ZFPM2: variants seen among roughly 807,000 people sequenced by gnomAD.
ZFPM2 encodes the protein zinc finger protein ZFPM2.
A neutral mutation model predicts 98.6 loss-of-function variants in ZFPM2; 20 were observed. That is an observed-to-expected ratio of 0.20 (90% CI 0.14 to 0.29). ZFPM2 has a LOEUF of 0.29. ZFPM2 is among the 10% of genes least tolerant of loss of function. The pLI is 1.00. For missense variants in ZFPM2, 1,310 were observed against 1,388.6 expected (o/e 0.94, Z 0.90); for synonymous variants, 518 against 502.7 (o/e 1.03, Z -0.41).
At chr8:105,390,898 G>C (rs1312849159) in intron 1 of ZFPM2, among the ~76,000 whole-genome samples, 3 of 152,148 alleles carry the variant, frequency 2.0e-5, no homozygotes, top group African/African-American at 7.2e-5. Context: ...TATAGGTAAT[G>C]AGCTAATTTT....
At chr8:105,497,485 T>G (rs1813497241) in intron 3 of ZFPM2, among the ~76,000 whole-genome samples, 1 of 152,216 alleles carries the variant, frequency 6.6e-6, no homozygotes, top group South Asian at 2.1e-4. Context: ...AAGCCAAAGT[T>G]TAAATAATAG....
intron 4 of ZFPM2, among the ~76,000 whole-genome samples, chr8:105,617,108 A>G (rs755976267): frequency 4.7e-5 from 7 of 148,178 alleles, no homozygotes; most frequent in Non-Finnish European, 1.0e-4. Flanking sequence ...AACTCAAGCA[A>G]TGTGGCTCTA....
chr8:105,376,805 GTC>G (rs1810733069), intron 1 of ZFPM2, among the ~76,000 whole-genome samples: 2 of 152,138 alleles, frequency 1.3e-5, no homozygotes, highest in African/African-American at 2.4e-5. Flanking sequence ...GCCTAATGTG[GTC>G]TCTCTGAAAT....
intron 3 of ZFPM2, among the ~76,000 whole-genome samples, chr8:105,497,524 A>C (rs534357492): frequency 6.6e-6 from 1 of 152,340 alleles, no homozygotes; most frequent in Non-Finnish European, 1.5e-5. Flanking sequence ...TGATTTAGAC[A>C]TATGGTGCTG....
chr8:105,602,035 A>G (rs1277182276), intron 4 of ZFPM2, among the ~76,000 whole-genome samples: 2 of 151,960 alleles, frequency 1.3e-5, no homozygotes, highest in Admixed American at 1.3e-4. Flanking sequence ...CTCACGTCCA[A>G]CTGCTCCTTC....
At chr8:105,450,627 T>C (rs892568026) in intron 3 of ZFPM2, among the ~76,000 whole-genome samples, 3 of 152,092 alleles carry the variant, frequency 2.0e-5, no homozygotes, top group African/African-American at 7.2e-5. Context: ...ATAAGAGCTC[T>C]GTACCACTAT....
intron 4 of ZFPM2, among the ~76,000 whole-genome samples, chr8:105,586,725 A>T (rs1457091191): frequency 6.6e-6 from 1 of 151,474 alleles, no homozygotes; most frequent in Non-Finnish European, 1.5e-5. Context: ...CTGATGTTGG[A>T]TCCTTTTTTA....
chr8:105,796,011 T>C, intron 6 of ZFPM2: 1 of 198,534 alleles, frequency 5.0e-6, no homozygotes, highest in South Asian at 8.1e-5. Flanking sequence ...AATAAAATAT[T>C]TAACTGTAAT....
At chr8:105,476,071 T>G (rs1813006635) in intron 3 of ZFPM2, among the ~76,000 whole-genome samples, 1 of 152,222 alleles carries the variant, frequency 6.6e-6, no homozygotes, top group Non-Finnish European at 1.5e-5. Flanking sequence ...AAAGCATTTG[T>G]CATAATATTT....
intron 2 of ZFPM2, among the ~76,000 whole-genome samples, chr8:105,443,230 A>T (rs571200853): frequency 1.3e-5 from 2 of 149,802 alleles, no homozygotes; most frequent in Admixed American, 6.8e-5. Context: ...AATCGCTTGA[A>T]CCTGAGAGGT....
intron 4 of ZFPM2, among the ~76,000 whole-genome samples, chr8:105,615,438 T>A (rs905370698): frequency 2.6e-5 from 4 of 152,186 alleles, no homozygotes; most frequent in African/African-American, 9.6e-5. Context: ...CGACAGTGTT[T>A]TGATTCTGAA....
intron 3 of ZFPM2, among the ~76,000 whole-genome samples, chr8:105,448,187 T>C (rs114277522): frequency 6.6e-6 from 1 of 151,988 alleles, no homozygotes; most frequent in Non-Finnish European, 1.5e-5. Context: ...TGTTTTTTAA[T>C]GTAATTGTTC....
chr8:105,423,864 C>T (rs1459542100), intron 2 of ZFPM2, among the ~76,000 whole-genome samples: 1 of 152,092 alleles, frequency 6.6e-6, no homozygotes, highest in Non-Finnish European at 1.5e-5. Flanking sequence ...TGGAGCAGTT[C>T]TAATTAATAA....
rs146598904 is a variant in ZFPM2 at position 105,484,729 on chromosome 8, G to A, written c.301+40348G>A. Among the ~76,000 whole-genome samples the A allele has an allele frequency of 3.7e-3, 566 of 152,172 alleles. 1 individual carries two copies. The highest frequency in any genetic ancestry group is 0.02 in the Middle Eastern group (6 of 294). On this transcript the variant is annotated intron_variant, in intron 3 of 7. Transcript: ENST00000407775. ...TATAAGGGCCTGTCCCTGTTTTATC[G>A]TTAGGCTGATGAATTTGTGTATTTA...
chr8:105,681,682 AAC>A (rs1319258225), intron 5 of ZFPM2, among the ~76,000 whole-genome samples: 2 of 152,154 alleles, frequency 1.3e-5, no homozygotes, highest in Non-Finnish European at 2.9e-5. Context: ...GGCATTGAAT[AAC>A]AGTTAGTTCC....
chr8:105,704,998 C>T (rs997118514), intron 5 of ZFPM2, among the ~76,000 whole-genome samples: 3 of 152,042 alleles, frequency 2.0e-5, no homozygotes, highest in African/African-American at 7.2e-5. Context: ...ATGACAGGAT[C>T]AAATGATCAT....
chr8:105,425,813 G>A (rs1202365472), intron 2 of ZFPM2, among the ~76,000 whole-genome samples: 2 of 152,156 alleles, frequency 1.3e-5, no homozygotes, highest in Admixed American at 6.5e-5. Context: ...AGCAACAGAA[G>A]TTTTGTCTAG....
chr8:105,643,105 A>G (rs1158832936), intron 5 of ZFPM2, among the ~76,000 whole-genome samples: 9 of 152,148 alleles, frequency 5.9e-5, no homozygotes, highest in Non-Finnish European at 2.9e-5. Flanking sequence ...GGTACACGTG[A>G]TGAAATCGAG....
At chr8:105,489,467 T>TATATATATATATATATATATATATATA (rs372429625) in intron 3 of ZFPM2, among the ~76,000 whole-genome samples, 1 of 88,036 alleles carries the variant, frequency 1.1e-5, no homozygotes, top group African/African-American at 5.4e-5. Context: ...TATATATATA[T>TATATATATATATATATATATATATATA]TTTTTTTTTT....
Sources: gnomAD v4.1 joint callset for allele counts (sites outside exome capture counted in the v4.1 genomes callset) on GRCh38, gnomAD v4.1.1 for gene constraint, MANE v1.5 for transcripts, NCBI Gene and HGNC (gene_info 2026-07-23, HGNC 2026-07-21) for gene names.